Variants in GNAQ observed in about 807,000 individuals in gnomAD.
The protein encoded by GNAQ is G protein subunit alpha q.
In GNAQ, 8 loss-of-function variants were observed where a neutral mutation model predicts 43.9. That is an observed-to-expected ratio of 0.18 (90% CI 0.11 to 0.33). The LOEUF (loss-of-function observed/expected upper bound fraction) is 0.33, where lower values mean the gene tolerates loss of function less well. Ranked by LOEUF, GNAQ falls within the 10% of genes least tolerant of loss-of-function variation. The pLI, the probability that GNAQ is intolerant of heterozygous loss-of-function variation, is 1.00. For missense variants in GNAQ, 158 were observed against 450.8 expected, an observed-to-expected ratio of 0.35 and a Z score of 5.88; for synonymous variants, 155 against 170.7, an observed-to-expected ratio of 0.91 and a Z score of 0.71.
At chr9:77,833,336 C>T (rs373271288) in intron 2 of GNAQ, among the ~76,000 whole-genome samples, 36 of 152,354 alleles carry the variant, frequency 2.4e-4, no homozygotes, top group African/African-American at 7.0e-4. Context: ...ACCTCTCTCC[C>T]TTGGGCAGTC....
At chr9:77,967,213 T>C (rs1448221288) in intron 1 of GNAQ, among the ~76,000 whole-genome samples, 1 of 152,188 alleles carries the variant, frequency 6.6e-6, no homozygotes, top group African/African-American at 2.4e-5. Flanking sequence ...CCCAGGTACA[T>C]GTATACCCCT....
chr9:77,856,496 G>C (rs1244125572), intron 2 of GNAQ, among the ~76,000 whole-genome samples: 1 of 152,110 alleles, frequency 6.6e-6, no homozygotes, highest in African/African-American at 2.4e-5. Flanking sequence ...TAGAGTAAGT[G>C]AATAATATCA....
At chr9:77,936,081 T>C (rs1269480634) in intron 1 of GNAQ, among the ~76,000 whole-genome samples, 1 of 152,174 alleles carries the variant, frequency 6.6e-6, no homozygotes, top group Non-Finnish European at 1.5e-5. Context: ...TTAAAGAAAG[T>C]ACATCGGTGC....
intron 5 of GNAQ, among the ~76,000 whole-genome samples, chr9:77,747,933 A>G (rs1297304315): frequency 6.6e-6 from 1 of 152,196 alleles, no homozygotes; most frequent in African/African-American, 2.4e-5. Context: ...TGGTTTTTCT[A>G]TTAAGCCATG....
chr9:77,788,633 T>C (rs1476794697), intron 5 of GNAQ, among the ~76,000 whole-genome samples: 4 of 152,178 alleles, frequency 2.6e-5, no homozygotes, highest in East Asian at 1.9e-4. Flanking sequence ...AAAATGAAAA[T>C]TGGAAGCAGG....
At chr9:78,014,731 T>C (rs1823816060) in intron 1 of GNAQ, among the ~76,000 whole-genome samples, 1 of 152,178 alleles carries the variant, frequency 6.6e-6, no homozygotes, top group Non-Finnish European at 1.5e-5. Flanking sequence ...GTTCAAGATA[T>C]AATAGCATTA....
chr9:77,886,207 T>C (rs1237861602), intron 2 of GNAQ, among the ~76,000 whole-genome samples: 2 of 152,252 alleles, frequency 1.3e-5, no homozygotes, highest in East Asian at 3.9e-4. Flanking sequence ...CCTCTGGTGA[T>C]CCACCAGCCT....
rs144847624 is a variant in GNAQ at position 77,922,452 on chromosome 9, T to A, written c.137-107A>T. 4 of 742,130 alleles carry A rather than the reference T, an allele frequency of 5.4e-6. No individual in the cohort carries two copies. The African/African-American group carries it at 6.9e-5, about 13-fold the overall frequency. 46.0% of individuals were successfully genotyped at this position (742,130 alleles called of 1,614,324 possible). A position where few individuals can be genotyped will look rare whatever the true frequency, so the allele number is the denominator to read the frequency against. On this transcript the variant is annotated intron_variant, in intron 1 of 6. Transcript: ENST00000286548. Reference sequence around the variant, plus strand: ...GATTTAACATCCCCAGATAGCCTGCTGAGAGGAGCGACTCTAGAATTGGAA... The same window carrying A: ...GATTTAACATCCCCAGATAGCCTGCAGAGAGGAGCGACTCTAGAATTGGAA...
At chr9:77,836,264 A>G (rs201314833) in intron 2 of GNAQ, among the ~76,000 whole-genome samples, 1 of 152,202 alleles carries the variant, frequency 6.6e-6, no homozygotes, top group East Asian at 1.9e-4. Flanking sequence ...CTCTCCTCCA[A>G]TTCCAAGAAA....
intron 1 of GNAQ, among the ~76,000 whole-genome samples, chr9:77,925,628 T>C (rs1829060204): frequency 6.6e-6 from 1 of 152,208 alleles, no homozygotes; most frequent in African/African-American, 2.4e-5. Flanking sequence ...AATGTTCACA[T>C]TTTCATTTTA....
At chr9:77,990,177 T>C (rs1400855489) in intron 1 of GNAQ, among the ~76,000 whole-genome samples, 2 of 152,208 alleles carry the variant, frequency 1.3e-5, no homozygotes, top group Non-Finnish European at 2.9e-5. Context: ...ATTCAGTGCC[T>C]CATGGAATTG....
intron 2 of GNAQ, among the ~76,000 whole-genome samples, chr9:77,851,372 G>A (rs1360751377): frequency 6.6e-6 from 1 of 152,116 alleles, no homozygotes; most frequent in Non-Finnish European, 1.5e-5. Context: ...AAAATGTTCA[G>A]TGATAAGGTT....
chr9:78,011,773 GGA>G (rs1467995387), intron 1 of GNAQ, among the ~76,000 whole-genome samples: 1 of 152,052 alleles, frequency 6.6e-6, no homozygotes, highest in Admixed American at 6.5e-5. Context: ...CACAAATAAT[GGA>G]GAGATACAGC....
chr9:77,906,342 T>TTA (rs371329546), intron 2 of GNAQ, among the ~76,000 whole-genome samples: 1,596 of 152,272 alleles, frequency 0.01, 34 homozygotes, highest in African/African-American at 0.035. Context: ...AAAACACTAA[T>TTA]AAAACTGAGT....
At chr9:77,874,109 A>AAAC (rs1554722277) in intron 2 of GNAQ, among the ~76,000 whole-genome samples, 4 of 148,180 alleles carry the variant, frequency 2.7e-5, no homozygotes, top group Admixed American at 1.4e-4. Flanking sequence ...CATCTCAAAA[A>AAAC]AAAAAAACAA....
At chr9:77,860,076 C>T (rs1827819811) in intron 2 of GNAQ, among the ~76,000 whole-genome samples, 1 of 152,158 alleles carries the variant, frequency 6.6e-6, no homozygotes, top group South Asian at 2.1e-4. Context: ...CTAACGTCTC[C>T]ATTTAATAGA....
At chr9:77,757,692 C>G (rs1377937792) in intron 5 of GNAQ, among the ~76,000 whole-genome samples, 1 of 152,186 alleles carries the variant, frequency 6.6e-6, no homozygotes, top group Non-Finnish European at 1.5e-5. Flanking sequence ...CTGTAAGAAC[C>G]ACATCTACCA....
chr9:77,839,776 T>C (rs1238180874), intron 2 of GNAQ, among the ~76,000 whole-genome samples: 1 of 152,224 alleles, frequency 6.6e-6, no homozygotes. Context: ...AAGCTTTCTA[T>C]TTAAGAAAAA....
chr9:78,019,987 A>G (rs1039823185), intron 1 of GNAQ, among the ~76,000 whole-genome samples: 3 of 152,058 alleles, frequency 2.0e-5, no homozygotes, highest in South Asian at 2.1e-4. Context: ...CTAGGGAAAA[A>G]GTCTGCTCTT....
Sources: gnomAD v4.1 joint callset for allele counts (sites outside exome capture counted in the v4.1 genomes callset) on GRCh38, gnomAD v4.1.1 for gene constraint, MANE v1.5 for transcripts, NCBI Gene and HGNC (gene_info 2026-07-23, HGNC 2026-07-21) for gene names.